Variants in ITGB1 observed in about 807,000 individuals in gnomAD.
ITGB1 encodes the protein integrin subunit beta 1.
Under a neutral mutation model 86.5 loss-of-function variants are expected in ITGB1, and 24 were observed. The observed-to-expected ratio is 0.28, with a 90% CI of 0.20 to 0.39. The LOEUF is 0.39. ITGB1 is among the 10% of genes least tolerant of loss of function. The pLI is 1.00. For missense variants in ITGB1, 556 were observed against 946.9 expected (o/e 0.59, Z 5.42); for synonymous variants, 323 against 316.8 (o/e 1.02, Z -0.21).
intron 15 of ITGB1, 32 bp downstream of exon 15, chr10:32,908,336 C>A (rs1565818543): frequency 1.2e-6 from 2 of 1,603,378 alleles, no homozygotes; most frequent in Non-Finnish European, 1.7e-6. Context: ...ACTTTATAAG[C>A]CACTTTGCTT....
intron 9 of ITGB1, among the ~76,000 whole-genome samples, chr10:32,921,007 AG>A (rs1555220557): frequency 6.6e-6 from 1 of 150,656 alleles, no homozygotes; most frequent in African/African-American, 2.4e-5. Context: ...AAACAAAAAC[AG>A]AAACCCCCCA....
chr10:32,911,569 C>T lies in ITGB1; in HGVS notation c.1810G>A (p.Gly604Arg), dbSNP rs200480675. Residue 604 changes from glycine (G) to arginine (R), a missense_variant, in exon 13 of 16, where the codon GGA (glycine) becomes AGA (arginine). Physicochemically the swap from Gly to Arg is moderately radical, Grantham distance 125. Transcript: ENST00000302278. ...LDTSTCEASN[G>R]QICNGRGICE... is the part of the protein sequence containing the mutation. Reference sequence around the variant, plus strand: ...ATGCCCCGGCCATTGCAGATCTGTCCGTTGCTGGCTTCACAAGTACTAGTA... The same window carrying T: ...ATGCCCCGGCCATTGCAGATCTGTCTGTTGCTGGCTTCACAAGTACTAGTA... 15 of 1,614,034 alleles carry T rather than the reference C, an allele frequency of 9.3e-6. No homozygotes were observed. The highest frequency in any genetic ancestry group is 1.3e-5 in the African/African-American group (1 of 74,912).
intron 1 of ITGB1, among the ~76,000 whole-genome samples, chr10:32,943,917 C>G (rs905117076): frequency 1.3e-5 from 2 of 152,154 alleles, no homozygotes; most frequent in East Asian, 3.8e-4. Flanking sequence ...GAAAGTCTGT[C>G]CAGTGAAAGT....
At chr10:32,913,094 G>A (rs768848336) in intron 11 of ITGB1, among the ~76,000 whole-genome samples, 1 of 152,224 alleles carries the variant, frequency 6.6e-6, no homozygotes, top group Non-Finnish European at 1.5e-5. Flanking sequence ...ACCTGCAGCT[G>A]AGGGTCCTGA....
At chr10:32,952,725 T>C (rs1029703214) in intron 1 of ITGB1, among the ~76,000 whole-genome samples, 5 of 152,176 alleles carry the variant, frequency 3.3e-5, no homozygotes, top group South Asian at 2.1e-4. Flanking sequence ...CTACACAAAA[T>C]AGAATGCTGA....
At chr10:32,927,482 A>G (rs2137218796) in intron 5 of ITGB1, among the ~76,000 whole-genome samples, 1 of 152,326 alleles carries the variant, frequency 6.6e-6, no homozygotes, top group Non-Finnish European at 1.5e-5. Flanking sequence ...CTGGGTATTC[A>G]ACACATGTTT....
chr10:32,957,893 T>A (rs2095056085), intron 1 of ITGB1: 1 of 152,030 alleles, frequency 6.6e-6, no homozygotes, highest in East Asian at 1.9e-4. Context: ...CTGGGCTGGC[T>A]CTGCGCCCGG....
chr10:32,913,623 G>C (rs1349691368), intron 11 of ITGB1, among the ~76,000 whole-genome samples: 1 of 152,150 alleles, frequency 6.6e-6, no homozygotes, highest in Non-Finnish European at 1.5e-5. Flanking sequence ...AAAAAAAAGA[G>C]TAAAAAGAAA....
chr10:32,946,754 G>GGC (rs1555222122), intron 1 of ITGB1, among the ~76,000 whole-genome samples: 1 of 108,630 alleles, frequency 9.2e-6, no homozygotes, highest in Non-Finnish European at 2.0e-5. Flanking sequence ...ATTTCTGGGG[G>GGC]GGGGGGGGGG....
intron 3 of ITGB1, among the ~76,000 whole-genome samples, chr10:32,931,555 C>A (rs1452744588): frequency 2.0e-5 from 3 of 152,102 alleles, no homozygotes; most frequent in African/African-American, 7.2e-5. Flanking sequence ...GACAAACTCA[C>A]AACACTCCAT....
At chr10:32,945,196 A>G (rs552555916) in intron 1 of ITGB1, among the ~76,000 whole-genome samples, 13 of 152,160 alleles carry the variant, frequency 8.5e-5, no homozygotes, top group Non-Finnish European at 1.5e-4. Flanking sequence ...GAAATCATCT[A>G]GTGTGTTTTA....
chr10:32,910,467 A>C lies in ITGB1; in HGVS notation c.1932-12T>G, dbSNP rs1565819381. 1 of 1,504,368 alleles carries C rather than the reference A, an allele frequency of 6.6e-7. No individual in the cohort carries two copies. The highest frequency in any genetic ancestry group is 9.1e-7 in the Non-Finnish European group (1 of 1,094,828). The allele number at this position is 1,504,368 out of a possible 1,614,324, so 93.2% of individuals were successfully genotyped here. A position where few individuals can be genotyped will look rare whatever the true frequency, so the allele number is the denominator to read the frequency against. ...ACTGAACACATTCTCTGTTACAAAA[A>C]ACACAAATTATGATATTTACATTTT... On this transcript the variant is annotated splice_polypyrimidine_tract_variant and intron_variant, in intron 13 of 15. Coordinates refer to ENST00000302278, the MANE Select transcript of ITGB1 (RefSeq NM_002211.4).
intron 1 of ITGB1, among the ~76,000 whole-genome samples, chr10:32,950,528 A>G (rs1186343826): frequency 2.0e-5 from 3 of 152,184 alleles, no homozygotes; most frequent in African/African-American, 7.2e-5. Flanking sequence ...GCTAGCATTA[A>G]TGATTAACAA....
rs1167244052 is a variant in ITGB1 at position 32,925,862 on chromosome 10, T to C, written c.786+9A>G. The stretch of plus-strand genomic sequence containing the variant: ...ACAATATCCCCTGATAGGAAATGAA[T>C]GCGCTTACTCCACAAACTGCAACTT... On this transcript the variant is annotated intron_variant, in intron 6 of 15. Coordinates refer to ENST00000302278, the MANE Select transcript of ITGB1 (RefSeq NM_002211.4). The C allele has an allele frequency of 6.7e-7, 1 of 1,497,618 alleles. No individual in the cohort carries two copies. The allele number at this position is 1,497,618 out of a possible 1,614,324, so 92.8% of individuals were successfully genotyped here. A position where few individuals can be genotyped will look rare whatever the true frequency, so the allele number is the denominator to read the frequency against.
chr10:32,925,792 A>C (rs1011521444), intron 6 of ITGB1, 79 bp downstream of exon 6: 22 of 893,114 alleles, frequency 2.5e-5, no homozygotes, highest in Non-Finnish European at 3.1e-5. Context: ...CAATTTTTCT[A>C]TTATCATAGT....
At chr10:32,944,407 C>T (rs879909525) in intron 1 of ITGB1, 5 of 309,832 alleles carry the variant, frequency 1.6e-5, no homozygotes, top group East Asian at 8.9e-5. Flanking sequence ...GGGGCGTCTA[C>T]GCGGCAGCAG....
At position 32,916,788 on chromosome 10, in the gene ITGB1, T is replaced by C. The variant is rs552186178; in HGVS notation, c.1469+3097A>G. ...TGCCCAAGGTAATTTAGAGATTCAA[T>C]GCCATCCCCATCAAGCTACCAATGA... On this transcript the variant is annotated intron_variant, in intron 11 of 15. Coordinates refer to ENST00000302278, the MANE Select transcript of ITGB1 (RefSeq NM_002211.4). Among the ~76,000 whole-genome samples, 87 of 152,322 alleles carry C rather than the reference T, an allele frequency of 5.7e-4. 1 individual carries two copies. Among genetic ancestry groups the C allele is most frequent in the South Asian group, 4.1e-3 (20 of 4,822 alleles).
At chr10:32,940,399 T>C (rs922863150) in intron 1 of ITGB1, among the ~76,000 whole-genome samples, 5 of 151,328 alleles carry the variant, frequency 3.3e-5, no homozygotes, top group Non-Finnish European at 5.9e-5. Flanking sequence ...AGCAGTAACA[T>C]AGTTGTTTAT....
chr10:32,919,739 C>T (rs2094942786), intron 11 of ITGB1, 146 bp downstream of exon 11: 3 of 608,374 alleles, frequency 4.9e-6, no homozygotes, highest in African/African-American at 1.8e-5. Context: ...ACAAGATCAT[C>T]AAACTGATCT....
Sources: allele counts gnomAD v4.1 joint callset (sites outside exome capture counted in the v4.1 genomes callset), GRCh38; gene constraint gnomAD v4.1.1; transcripts MANE v1.5; gene names NCBI Gene and HGNC (gene_info 2026-07-23, HGNC 2026-07-21).